Variants in SEPTIN7 observed in about 807,000 individuals in gnomAD.
The protein encoded by SEPTIN7 is septin 7.
Under a neutral mutation model 63.3 loss-of-function variants are expected in SEPTIN7, and 10 were observed. The ratio of observed to expected loss-of-function variants is 0.16; its 90% CI spans 0.10 to 0.27. The LOEUF is 0.27. SEPTIN7 is among the 10% of genes least tolerant of loss of function. SEPTIN7 has a pLI of 1.00. For synonymous variants in SEPTIN7, 131 were observed against 165.3 expected (o/e 0.79, Z 1.59); for missense variants, 310 against 521.0 (o/e 0.59, Z 3.94).
At chr7:35,871,600 C>A (rs545141026) in intron 4 of SEPTIN7, among the ~76,000 whole-genome samples, 3 of 152,152 alleles carry the variant, frequency 2.0e-5, no homozygotes, top group Non-Finnish European at 4.4e-5. Context: ...TTTTCTTGCT[C>A]AGCAATCTTA....
rs553884170 is a variant in SEPTIN7, at chr7:35,887,878, TGAAG to T, written c.872+2007_872+2010del. ...ATCTAGTGGATATTTAATAAATACT[TGAAG>T]GAAGGAAATAAAATACCAATACCAA... On this transcript the variant is annotated intron_variant, in intron 10 of 13. Coordinates refer to ENST00000350320, the MANE Select transcript of SEPTIN7 (RefSeq NM_001788.6). Among the ~76,000 whole-genome samples, 46 of 152,330 alleles carry T rather than the reference TGAAG, an allele frequency of 3.0e-4. 1 individual carries two copies. The South Asian group carries it at 9.3e-3, about 31-fold the overall frequency.
At chr7:35,810,849 C>T (rs990858368) in intron 1 of SEPTIN7, among the ~76,000 whole-genome samples, 1 of 151,824 alleles carries the variant, frequency 6.6e-6, no homozygotes, top group Non-Finnish European at 1.5e-5. Flanking sequence ...TCACTGCAAC[C>T]TCCACCTCCC....
downstream of SEPTIN7, among the ~76,000 whole-genome samples, chr7:35,909,077 A>G (rs778166313): frequency 6.6e-6 from 1 of 152,136 alleles, no homozygotes; most frequent in East Asian, 1.9e-4. Context: ...TTTTCCCTGC[A>G]TTTCAGAAGT....
intron 1 of SEPTIN7, among the ~76,000 whole-genome samples, chr7:35,823,384 A>G (rs1562748273): frequency 6.6e-6 from 1 of 152,090 alleles, no homozygotes; most frequent in Non-Finnish European, 1.5e-5. Context: ...TATTTTTAGT[A>G]GAGATGGGGT....
chr7:35,861,763 C>G (rs1785524907), intron 3 of SEPTIN7, among the ~76,000 whole-genome samples: 1 of 152,094 alleles, frequency 6.6e-6, no homozygotes, highest in South Asian at 2.1e-4. Context: ...TTCTGGCAGA[C>G]CAGAGAGGTT....
chr7:35,900,754 T>G (rs534207205), intron 12 of SEPTIN7: 1 of 152,304 alleles, frequency 6.6e-6, no homozygotes, highest in East Asian at 1.9e-4. Flanking sequence ...CAAGGAACCC[T>G]TTGGGAATTT....
chr7:35,829,678 A>G (rs1783725216), intron 1 of SEPTIN7, among the ~76,000 whole-genome samples: 1 of 152,156 alleles, frequency 6.6e-6, no homozygotes, highest in African/African-American at 2.4e-5. Flanking sequence ...TTGATGTACC[A>G]TTTATGTAAT....
chr7:35,814,967 T>G (rs1284411451), intron 1 of SEPTIN7, among the ~76,000 whole-genome samples: 1 of 107,204 alleles, frequency 9.3e-6, no homozygotes, highest in African/African-American at 3.8e-5. Context: ...AGAGCGAGAC[T>G]CCTTCTCAAA....
intron 1 of SEPTIN7, among the ~76,000 whole-genome samples, chr7:35,810,893 A>C (rs1157445945): frequency 6.6e-6 from 1 of 151,728 alleles, no homozygotes; most frequent in Non-Finnish European, 1.5e-5. Context: ...CAGCCTCCCG[A>C]GTAGCTGGGA....
intron 3 of SEPTIN7, among the ~76,000 whole-genome samples, chr7:35,838,288 CCTTCCTTCCTTCCT>C: frequency 6.7e-5 from 1 of 15,026 alleles, no homozygotes; most frequent in Non-Finnish European, 1.2e-4. Flanking sequence ...TTCCTTCCTT[CCTTCCTTCCTTCCT>C]TCCCTCCCTC....
chr7:35,855,566 T>G (rs543074218), intron 3 of SEPTIN7, among the ~76,000 whole-genome samples: 2 of 152,374 alleles, frequency 1.3e-5, no homozygotes, highest in East Asian at 3.9e-4. Flanking sequence ...AATACTTTAG[T>G]CAGATCTCTT....
intron 4 of SEPTIN7, among the ~76,000 whole-genome samples, chr7:35,868,996 C>A (rs1454738602): frequency 6.6e-6 from 1 of 151,894 alleles, no homozygotes; most frequent in Non-Finnish European, 1.5e-5. Context: ...AGGCATGAGA[C>A]TAAGGAGCAC....
At chr7:35,880,425 T>C (rs1786807429) in intron 7 of SEPTIN7, among the ~76,000 whole-genome samples, 1 of 151,896 alleles carries the variant, frequency 6.6e-6, no homozygotes, top group Admixed American at 6.6e-5. Context: ...TGAAAACTTT[T>C]TTGGAATGAA....
rs2116407030 is a variant in SEPTIN7 at position 35,905,046 on chromosome 7, C to T, written c.*753C>T. 6.6e-6 allele frequency: 1 copy of T among 152,654 alleles called. No individual in the cohort carries two copies. Among genetic ancestry groups the T allele is most frequent in the East Asian group, 1.9e-4 (1 of 5,186 alleles). 9.5% of individuals were successfully genotyped at this position (152,654 alleles called of 1,614,324 possible). A position where few individuals can be genotyped will look rare whatever the true frequency, so the allele number is the denominator to read the frequency against. On this transcript the variant is annotated 3_prime_UTR_variant, in exon 14 of 14. Transcript: ENST00000350320. ...TGGTAGGAACCAACAAGGAAACTTT[C>T]CTTTAACTCCCTTTTTACACTTTAT...
Position 35,904,249 on chromosome 7 carries a change from T to C in SEPTIN7, c.1275-5T>C, listed in dbSNP as rs1162851973. On this transcript the variant is annotated splice_region_variant and splice_polypyrimidine_tract_variant and intron_variant, in intron 13 of 13. Coordinates refer to ENST00000350320, the MANE Select transcript of SEPTIN7 (RefSeq NM_001788.6). ...CATCTTGCTTATTTTCCTTTTATCC[T>C]TTAGAACCTTGGAAAAGAACAAGAA... The C allele has an allele frequency of 1.3e-6, 2 of 1,551,206 alleles. No individual in the cohort carries two copies. Among genetic ancestry groups the C allele is most frequent in the Admixed American group, 4.0e-5 (2 of 50,566 alleles).
chr7:35,873,793 T>G lies in SEPTIN7; in HGVS notation c.512+18T>G, dbSNP rs776511113. 1.4e-5 allele frequency: 22 copies of G among 1,604,836 alleles called. No individual in the cohort carries two copies. The South Asian group carries it at 2.2e-4, about 16-fold the overall frequency. ...GGACATGGGTCAGTACCTTGATACT[T>G]CTGATTCCTTTTTTGTTGTTGTTGC... On this transcript the variant is annotated intron_variant, in intron 6 of 13. Transcript: ENST00000350320.
In SEPTIN7 at chr7:35,801,178, C is replaced by T. The variant is rs1306805739; in HGVS notation, c.-32C>T. The T allele has an allele frequency of 3.4e-6, 5 of 1,480,400 alleles. No individual in the cohort carries two copies. In the South Asian group the frequency reaches 3.9e-5, roughly 12 times the overall value. The allele number at this position is 1,480,400 out of a possible 1,614,324, so 91.7% of individuals were successfully genotyped here. On this transcript the variant is annotated 5_prime_UTR_variant, in exon 1 of 14. Transcript: ENST00000350320. The stretch of plus-strand genomic sequence containing the variant: ...CTTTGGAGAATCGGCGGGCTGCGCT[C>T]CGCTGGGGCTGGTCGCGGAGGGGGG...
intron 3 of SEPTIN7, among the ~76,000 whole-genome samples, chr7:35,838,018 C>G (rs776647089): frequency 2.6e-5 from 4 of 151,946 alleles, no homozygotes; most frequent in Admixed American, 2.6e-4. Context: ...TGTGAGCCAC[C>G]ACACCTGGCC....
rs749056864 is a variant in SEPTIN7, at chr7:35,879,928, G to C, written c.618G>C (p.Gln206His). ...CACTCACACCAGAGGAATGCCAACA[G>C]TTTAAAAAACAGGTGAGCAGGATGT... is the stretch of plus-strand genomic sequence containing the variant. The part of the protein sequence containing the change: ...ADTLTPEECQ[Q>H]FKKQIMKEIQ... The change falls in exon 7 of 14, where the codon CAG (glutamine) becomes CAC (histidine). Residue 206 changes from glutamine to histidine, a missense_variant. By Grantham distance (24) the Gln-to-His change is conservative. Around this residue, in one of 2 missense-constraint regions of SEPTIN7, gnomAD observed 255 missense variants for 490.5 expected, o/e 0.52. Coordinates refer to ENST00000350320, the MANE Select transcript of SEPTIN7 (RefSeq NM_001788.6). 1.5e-5 allele frequency: 24 copies of C among 1,580,462 alleles called. No individual in the cohort carries two copies. In the East Asian group the frequency reaches 4.5e-4, roughly 30 times the overall value.
Sources: allele counts gnomAD v4.1 joint callset (sites outside exome capture counted in the v4.1 genomes callset), GRCh38; gene constraint gnomAD v4.1.1; regional missense constraint gnomAD v4.1.1; transcripts MANE v1.5; gene names NCBI Gene and HGNC (gene_info 2026-07-23, HGNC 2026-07-21).